LRRK2: variants seen among roughly 807,000 people sequenced by gnomAD.
LRRK2 encodes the protein leucine-rich repeat serine/threonine-protein kinase 2.
Under a neutral mutation model 302.6 loss-of-function variants are expected in LRRK2, and 203 were observed. The observed-to-expected ratio is 0.67, with a 90% CI of 0.60 to 0.75. LRRK2 has a LOEUF of 0.75. Among genes scored for constraint, LRRK2 ranks in the 30% least tolerant of loss-of-function variants. LRRK2 has a pLI of 0.00. For missense variants in LRRK2, 2,830 were observed against 2,951.0 expected (o/e 0.96, Z 0.95); for synonymous variants, 1,066 against 1,031.9 (o/e 1.03, Z -0.63).
chr12:40,364,799 T>C, intron 48 of LRRK2, 43 bp from the exon 49 acceptor site: 2 of 1,413,566 alleles, frequency 1.4e-6, no homozygotes, highest in Non-Finnish European at 2.0e-6. Context: ...CATTTATCTC[T>C]TAATTGGTGG....
intron 47 of LRRK2, among the ~76,000 whole-genome samples, chr12:40,359,659 G>A (rs948129042): frequency 1.3e-5 from 2 of 151,980 alleles, no homozygotes; most frequent in African/African-American, 4.8e-5. Flanking sequence ...ATCACTTTTA[G>A]GGATAAAATA....
intron 47 of LRRK2, among the ~76,000 whole-genome samples, chr12:40,362,234 A>G (rs527997442): frequency 4.1e-4 from 63 of 152,162 alleles, no homozygotes; most frequent in African/African-American, 1.5e-3. Flanking sequence ...CTGACAACAC[A>G]TCATATTTTT....
At chr12:40,260,083 T>A (rs1176740962) in intron 13 of LRRK2, among the ~76,000 whole-genome samples, 2 of 152,144 alleles carry the variant, frequency 1.3e-5, no homozygotes, top group East Asian at 3.9e-4. Context: ...CCTTTAATTG[T>A]TACTGACATC....
chr12:40,311,023 CT>C (rs1945019262), intron 31 of LRRK2, among the ~76,000 whole-genome samples: 1 of 152,024 alleles, frequency 6.6e-6, no homozygotes, highest in East Asian at 1.9e-4. Flanking sequence ...CATCTTTCTT[CT>C]ATTATTCTTT....
intron 13 of LRRK2, among the ~76,000 whole-genome samples, chr12:40,260,093 C>T (rs1303251345): frequency 2.0e-5 from 3 of 152,128 alleles, no homozygotes; most frequent in African/African-American, 7.2e-5. Context: ...TTACTGACAT[C>T]TGTTATCACC....
chr12:40,285,687 C>T (rs1279116338), intron 19 of LRRK2, among the ~76,000 whole-genome samples: 1 of 151,750 alleles, frequency 6.6e-6, no homozygotes, highest in Admixed American at 6.6e-5. Flanking sequence ...CCTAAGTATT[C>T]CCCAAAAGGA....
At chr12:40,291,431 A>AATATATATATATATATAT (rs57902292) in intron 20 of LRRK2, among the ~76,000 whole-genome samples, 1 of 146,340 alleles carries the variant, frequency 6.8e-6, no homozygotes, top group East Asian at 2.0e-4. Context: ...AGTATAATAA[A>AATATATATATATATATAT]ATATATATAT....
At chr12:40,300,748 C>A (rs1944593039) in intron 25 of LRRK2, 47 of 469,858 alleles carry the variant, frequency 1.0e-4, no homozygotes, top group South Asian at 7.3e-4. Context: ...AGAGCACAGA[C>A]AAACATTAAG....
chr12:40,293,879 ATGAATTT>A, intron 21 of LRRK2, among the ~76,000 whole-genome samples: 1 of 129,032 alleles, frequency 7.8e-6, no homozygotes, highest in African/African-American at 2.8e-5. Context: ...TATGCAGGGT[ATGAATTT>A]TTTGGGGCAC....
At chr12:40,302,926 A>G (rs570527240) in intron 26 of LRRK2, 44 bp downstream of exon 26, 2 of 1,262,364 alleles carry the variant, frequency 1.6e-6, no homozygotes, top group South Asian at 1.2e-5. Flanking sequence ...ATTAGCTGGA[A>G]CAGAACCTTT....
rs367710346 is a variant in LRRK2 at position 40,232,289 on chromosome 12, C to T, written c.253C>T (p.Leu85=). Residue 85 remains leucine (L), a synonymous_variant, in exon 3 of 51, where the codon CTG becomes TTG. Coordinates refer to ENST00000298910, the MANE Select transcript of LRRK2 (RefSeq NM_198578.4). ...ASVQQVGWSL[L]CKLIEVCPGT... The stretch of plus-strand genomic sequence containing the variant: ...TTGTTTTCAGGTGGGTTGGTCACTT[C>T]TGTGCAAATTAATAGAAGTCTGTCC... 1 of 1,613,830 alleles carries T rather than the reference C, an allele frequency of 6.2e-7. No individual in the cohort carries two copies. Among genetic ancestry groups the T allele is most frequent in the African/African-American group, 1.3e-5 (1 of 74,906 alleles).
chr12:40,328,637 G>C (rs1049000978), intron 39 of LRRK2, among the ~76,000 whole-genome samples, 177 bp downstream of exon 39: 9 of 152,158 alleles, frequency 5.9e-5, no homozygotes, highest in African/African-American at 2.2e-4. Context: ...TATTTCTCCT[G>C]TTGAGAAACA....
chr12:40,240,321 A>G lies in LRRK2; in HGVS notation c.572-162A>G, dbSNP rs111824421. On this transcript the variant is annotated intron_variant, in intron 5 of 50. Transcript: ENST00000298910. ...AATCTCCGTAGCTTGTTTTCTCATTATAACATTCTTAGGAAGGGCTGCTTC... is the reference window on the plus strand; with the variant it reads ...AATCTCCGTAGCTTGTTTTCTCATTGTAACATTCTTAGGAAGGGCTGCTTC... Among the ~76,000 whole-genome samples, 18 of 152,324 alleles carry G rather than the reference A, an allele frequency of 1.2e-4. 2 individuals are homozygous for G. Among genetic ancestry groups the G allele is most frequent in the African/African-American group, 4.3e-4 (18 of 41,580 alleles).
chr12:40,345,622 C>CAAAAAAAAAAAAAAAAA (rs144415226), intron 41 of LRRK2, among the ~76,000 whole-genome samples: 1 of 67,528 alleles, frequency 1.5e-5, no homozygotes, highest in African/African-American at 6.3e-5. Context: ...GACTCCATCT[C>CAAAAAAAAAAAAAAAAA]AAAAAAAAAA....
chr12:40,242,352 A>G (rs1384078287), intron 6 of LRRK2, among the ~76,000 whole-genome samples: 1 of 152,154 alleles, frequency 6.6e-6, no homozygotes. Flanking sequence ...CAAAAAAAGA[A>G]CAGTTAACAT....
chr12:40,271,844 A>G (rs981278659), intron 14 of LRRK2, among the ~76,000 whole-genome samples: 2 of 152,126 alleles, frequency 1.3e-5, no homozygotes, highest in African/African-American at 4.8e-5. Flanking sequence ...CAAATCAGAG[A>G]TTACCTGCTG....
Position 40,356,252 on chromosome 12 carries a change from A to T in LRRK2, c.6843+65A>T. On this transcript the variant is annotated intron_variant, in intron 46 of 50. Transcript: ENST00000298910. ...GTCTTTTGTTTTATATATATCTCACACCCCTCTTATGGGATTATAAACTCC... is the reference window on the plus strand; with the variant it reads ...GTCTTTTGTTTTATATATATCTCACTCCCCTCTTATGGGATTATAAACTCC... The T allele has an allele frequency of 3.5e-6, 4 of 1,134,320 alleles. No individual in the cohort carries two copies. In the South Asian group the frequency reaches 4.1e-5, roughly 12 times the overall value. 70.3% of individuals were successfully genotyped at this position (1,134,320 alleles called of 1,614,324 possible).
At chr12:40,355,348 G>T (rs7976715) in intron 45 of LRRK2, among the ~76,000 whole-genome samples, 2 of 151,774 alleles carry the variant, frequency 1.3e-5, no homozygotes, top group African/African-American at 2.4e-5. Flanking sequence ...AGTTTTAAGC[G>T]CAGGGGTGAG....
chr12:40,308,938 G>T (rs558773998), intron 29 of LRRK2, among the ~76,000 whole-genome samples, 168 bp from the exon 30 acceptor site: 4 of 152,234 alleles, frequency 2.6e-5, no homozygotes, highest in African/African-American at 9.6e-5. Flanking sequence ...GCTAAAAGTG[G>T]TCAATCCTAG....
Sources: gnomAD v4.1 joint callset for allele counts (sites outside exome capture counted in the v4.1 genomes callset) on GRCh38, gnomAD v4.1.1 for gene constraint, MANE v1.5 for transcripts, NCBI Gene and HGNC (gene_info 2026-07-23, HGNC 2026-07-21) for gene names.